The following BACH2 variants were observed in gnomAD, a reference collection of about 807,000 sequenced individuals.
BACH2 encodes transcription regulator protein BACH2.
BACH2 carries 5 observed loss-of-function variants against 61.8 expected under a neutral mutation model. The ratio of observed to expected loss-of-function variants is 0.08; its 90% CI spans 0.04 to 0.17. The LOEUF (loss-of-function observed/expected upper bound fraction) is 0.17, where lower values mean the gene tolerates loss of function less well. Among genes scored for constraint, BACH2 ranks in the 10% least tolerant of loss-of-function variants. The probability of loss-of-function intolerance (pLI) is 1.00; values close to 1 mark genes in which losing one functional copy is unlikely to be tolerated. For synonymous variants in BACH2, 446 were observed against 440.1 expected (o/e 1.01, Z -0.17); for missense variants, 824 against 1,091.1 (o/e 0.76, Z 3.45).
intron 3 of BACH2, among the ~76,000 whole-genome samples, chr6:90,239,780 A>G (rs1408811832): frequency 6.9e-6 from 1 of 144,794 alleles, no homozygotes; most frequent in Non-Finnish European, 1.5e-5. Flanking sequence ...CATGATCTCC[A>G]TAGTAAGGGG....
chr6:89,937,956 CACACAA>C (rs1182607780), intron 8 of BACH2, among the ~76,000 whole-genome samples, 182 bp downstream of exon 8: 26 of 151,456 alleles, frequency 1.7e-4, no homozygotes, highest in African/African-American at 5.1e-4. Flanking sequence ...CGCGTGCAGA[CACACAA>C]ACACACACAC....
intron 6 of BACH2, among the ~76,000 whole-genome samples, chr6:90,004,251 T>G (rs1043954013): frequency 6.6e-6 from 1 of 152,222 alleles, no homozygotes; most frequent in African/African-American, 2.4e-5. Flanking sequence ...TGGGTCAGCT[T>G]TCTTTCCTGT....
At position 89,932,297 on chromosome 6, in the gene BACH2, G is replaced by A; in HGVS notation, c.*111C>T. 1.4e-6 allele frequency: 2 copies of A among 1,393,874 alleles called. No homozygotes were observed. The highest frequency in any genetic ancestry group is 2.3e-5 in the East Asian group (1 of 43,424). 86.3% of individuals were successfully genotyped at this position (1,393,874 alleles called of 1,614,324 possible). A position where few individuals can be genotyped will look rare whatever the true frequency, so the allele number is the denominator to read the frequency against. On this transcript the variant is annotated 3_prime_UTR_variant, in exon 9 of 9. Transcript: ENST00000257749. ...ATTGCTGCTAAGACCGCTGTAGTGT[G>A]CACCAAATGTGTTCTCGGTTTCTTC...
chr6:90,133,875 C>T (rs570695732), intron 4 of BACH2, among the ~76,000 whole-genome samples: 1 of 151,628 alleles, frequency 6.6e-6, no homozygotes, highest in South Asian at 2.1e-4. Flanking sequence ...ATGAACTCAT[C>T]ATTTTTTATG....
intron 6 of BACH2, among the ~76,000 whole-genome samples, chr6:89,954,414 G>A (rs937128498): frequency 6.7e-6 from 1 of 149,062 alleles, no homozygotes; most frequent in Non-Finnish European, 1.5e-5. Context: ...TAGTCATTTA[G>A]CATTAGGTAT....
chr6:90,046,081 T>C (rs1408274779), intron 5 of BACH2, among the ~76,000 whole-genome samples: 1 of 152,220 alleles, frequency 6.6e-6, no homozygotes, highest in Admixed American at 6.5e-5. Context: ...CAGTATCTCA[T>C]GTCTTCCCCA....
chr6:90,105,079 T>A (rs115925454), intron 4 of BACH2, among the ~76,000 whole-genome samples: 3,831 of 152,318 alleles, frequency 0.025, 144 homozygotes, highest in African/African-American at 0.086. Flanking sequence ...TCTGGAGCCC[T>A]ACAAATATTA....
intron 4 of BACH2, among the ~76,000 whole-genome samples, chr6:90,176,132 A>G (rs1348692013): frequency 2.0e-5 from 3 of 152,182 alleles, no homozygotes; most frequent in Non-Finnish European, 4.4e-5. Flanking sequence ...GGACCTGTGA[A>G]TGTAACAAAT....
chr6:90,294,768 A>C (rs2127895485), intron 1 of BACH2, among the ~76,000 whole-genome samples: 1 of 152,238 alleles, frequency 6.6e-6, no homozygotes, highest in African/African-American at 2.4e-5. Flanking sequence ...CTCTCCGCCA[A>C]AGGAGGGGCA....
At chr6:89,979,943 G>C (rs1775859940) in intron 6 of BACH2, among the ~76,000 whole-genome samples, 3 of 152,200 alleles carry the variant, frequency 2.0e-5, no homozygotes, top group Admixed American at 1.3e-4. Flanking sequence ...GTTTCAAGTA[G>C]TGCAAATATG....
intron 4 of BACH2, among the ~76,000 whole-genome samples, chr6:90,101,194 CTT>C (rs549414414): frequency 6.6e-6 from 1 of 152,176 alleles, no homozygotes; most frequent in Non-Finnish European, 1.5e-5. Context: ...TGTGGACCAT[CTT>C]TTCACTTTCT....
chr6:90,107,656 A>AT (rs1782982356), intron 4 of BACH2, among the ~76,000 whole-genome samples: 1 of 132,730 alleles, frequency 7.5e-6, no homozygotes, highest in South Asian at 2.4e-4. Context: ...CACATTCTCT[A>AT]TTTGTGATTT....
intron 5 of BACH2, among the ~76,000 whole-genome samples, chr6:90,027,255 G>A (rs895102072): frequency 6.6e-6 from 1 of 152,144 alleles, no homozygotes; most frequent in African/African-American, 2.4e-5. Flanking sequence ...AGGAATGGGA[G>A]AAAAAGAATG....
intron 4 of BACH2, among the ~76,000 whole-genome samples, chr6:90,111,784 T>C (rs1783184810): frequency 6.6e-6 from 1 of 152,258 alleles, no homozygotes; most frequent in African/African-American, 2.4e-5. Flanking sequence ...GTTGTCTGTA[T>C]TTCTAAAACA....
intron 4 of BACH2, among the ~76,000 whole-genome samples, chr6:90,182,666 C>T (rs1284498680): frequency 6.6e-6 from 1 of 152,156 alleles, no homozygotes; most frequent in Non-Finnish European, 1.5e-5. Context: ...TATTAATTCA[C>T]AAGGTAAATA....
chr6:90,138,231 G>A (rs190547674), intron 4 of BACH2, among the ~76,000 whole-genome samples: 73 of 152,324 alleles, frequency 4.8e-4, no homozygotes, highest in Admixed American at 4.2e-3. Flanking sequence ...GGCTGGGCAC[G>A]GTGGCTCACG....
chr6:90,253,960 T>G (rs1218699216), intron 2 of BACH2, among the ~76,000 whole-genome samples: 1 of 152,206 alleles, frequency 6.6e-6, no homozygotes, highest in Non-Finnish European at 1.5e-5. Context: ...AAAGACCTTT[T>G]GTACACAATT....
chr6:90,000,903 G>A (rs190326367), intron 6 of BACH2, among the ~76,000 whole-genome samples: 115 of 152,194 alleles, frequency 7.6e-4, no homozygotes, highest in African/African-American at 2.6e-3. Flanking sequence ...TTCCTGGCCA[G>A]TTTGCCTCCC....
intron 1 of BACH2, among the ~76,000 whole-genome samples, chr6:90,282,188 G>A (rs1311688797): frequency 2.0e-5 from 3 of 152,152 alleles, no homozygotes; most frequent in Non-Finnish European, 4.4e-5. Flanking sequence ...TCAGGGGTAT[G>A]CACATGTACT....
Sources: gnomAD v4.1 joint callset for allele counts (sites outside exome capture counted in the v4.1 genomes callset) on GRCh38, gnomAD v4.1.1 for gene constraint, MANE v1.5 for transcripts, NCBI Gene and HGNC (gene_info 2026-07-23, HGNC 2026-07-21) for gene names.